The following SHROOM4 variants were observed in gnomAD, a reference collection of about 807,000 sequenced individuals.
SHROOM4 encodes the protein shroom family member 4, also known as protein Shroom4.
A neutral mutation model predicts 80.3 loss-of-function variants in SHROOM4; 17 were observed. The ratio of observed to expected loss-of-function variants is 0.21; its 90% confidence interval spans 0.14 to 0.32. SHROOM4 has a LOEUF of 0.32. Ranked by LOEUF, SHROOM4 falls within the 10% of genes least tolerant of loss-of-function variation. The pLI, the probability that SHROOM4 is intolerant of heterozygous loss-of-function variation, is 1.00. For synonymous variants in SHROOM4, 400 were observed against 437.5 expected, an observed-to-expected ratio of 0.91 and a Z score of 1.07; for missense variants, 993 against 1,140.3, an observed-to-expected ratio of 0.87 and a Z score of 1.86.
chrX:50,628,787 T>C (rs1930922298), intron 4 of SHROOM4, among the ~76,000 whole-genome samples: 1 of 112,212 alleles, frequency 8.9e-6, no homozygotes, highest in Non-Finnish European at 1.9e-5. Context: ...AAATAAGATA[T>C]GCAGAGAGAA....
At chrX:50,713,006 T>G (rs1389088900) in intron 1 of SHROOM4, among the ~76,000 whole-genome samples, 1 of 111,220 alleles carries the variant, frequency 9.0e-6, no homozygotes. Flanking sequence ...GGTTGACTGT[T>G]CTGCCAGGAA....
At chrX:50,801,292 A>AGAGAGAGAGAGAG in intron 1 of SHROOM4, among the ~76,000 whole-genome samples, 1 of 34,268 alleles carries the variant, frequency 2.9e-5, no homozygotes, top group East Asian at 1.6e-3. Context: ...GAGAGAGAGA[A>AGAGAGAGAGAGAG]CACGTACTGC....
At chrX:50,606,988 G>A (rs1290198110) in intron 6 of SHROOM4, among the ~76,000 whole-genome samples, 1 of 108,455 alleles carries the variant, frequency 9.2e-6, no homozygotes, top group Non-Finnish European at 1.9e-5. Flanking sequence ...GGCAGGAAAA[G>A]TGCCTGAGCC....
At chrX:50,665,028 A>G (rs2147377662) in intron 2 of SHROOM4, among the ~76,000 whole-genome samples, 1 of 111,100 alleles carries the variant, frequency 9.0e-6, no homozygotes, top group South Asian at 3.9e-4. Flanking sequence ...ACTTTTCAGC[A>G]TCTCCTAATG....
intron 1 of SHROOM4, among the ~76,000 whole-genome samples, chrX:50,700,213 T>C (rs182663429): frequency 8.9e-6 from 1 of 112,500 alleles, no homozygotes; most frequent in East Asian, 2.8e-4. Context: ...TGTTTTTTTG[T>C]TTTTGTTTTA....
chrX:50,734,742 A>G (rs1231823941), intron 1 of SHROOM4, among the ~76,000 whole-genome samples: 7 of 111,339 alleles, frequency 6.3e-5, no homozygotes, highest in South Asian at 3.9e-4. Context: ...TGTAGCTCCC[A>G]TAATTCCCAT....
At chrX:50,663,574 T>C (rs1932586673) in intron 2 of SHROOM4, among the ~76,000 whole-genome samples, 1 of 110,298 alleles carries the variant, frequency 9.1e-6, no homozygotes, top group East Asian at 2.9e-4. Context: ...GCTTGCTTTT[T>C]CTGGGCCTTC....
At chrX:50,764,097 C>T (rs1429563061) in intron 1 of SHROOM4, among the ~76,000 whole-genome samples, 3 of 111,985 alleles carry the variant, frequency 2.7e-5, no homozygotes, top group African/African-American at 6.5e-5. Context: ...CCCTCAACAG[C>T]GCTGCTGACC....
intron 2 of SHROOM4, among the ~76,000 whole-genome samples, chrX:50,660,868 T>A (rs1557259913): frequency 9.1e-6 from 1 of 109,720 alleles, no homozygotes; most frequent in Non-Finnish European, 1.9e-5. Context: ...CCTCCTGCTT[T>A]GGCTACCCAA....
chrX:50,769,716 C>G (rs185022250), intron 1 of SHROOM4, among the ~76,000 whole-genome samples: 32 of 111,581 alleles, frequency 2.9e-4, no homozygotes, highest in Non-Finnish European at 5.8e-4. Context: ...AGTAGGCCAA[C>G]CAGTCTACCC....
chrX:50,741,791 G>T (rs1387094879), intron 1 of SHROOM4, among the ~76,000 whole-genome samples: 2 of 110,639 alleles, frequency 1.8e-5, no homozygotes, highest in Non-Finnish European at 3.8e-5. Context: ...CTAATTTGTT[G>T]TAGGTTGTTA....
chrX:50,743,931 C>T (rs1421743976), intron 1 of SHROOM4, among the ~76,000 whole-genome samples: 1 of 111,604 alleles, frequency 9.0e-6, no homozygotes, highest in Non-Finnish European at 1.9e-5. Context: ...ATGTCCTCCC[C>T]TTGTCTCCTG....
intron 1 of SHROOM4, among the ~76,000 whole-genome samples, chrX:50,794,647 TACAC>T (rs55726150): frequency 9.3e-5 from 9 of 97,192 alleles, no homozygotes; most frequent in African/African-American, 1.9e-4. Context: ...CACACACACA[TACAC>T]ACACACACAC....
intron 1 of SHROOM4, among the ~76,000 whole-genome samples, chrX:50,795,051 G>GATATATATATATGAT (rs57853672): frequency 0.022 from 55 of 2,517 alleles, 15 homozygotes; most frequent in East Asian, 0.2. Context: ...ATATATATAT[G>GATATATATATATGAT]ATATATATAT....
intron 1 of SHROOM4, among the ~76,000 whole-genome samples, chrX:50,793,201 G>A (rs1935887792): frequency 9.1e-6 from 1 of 110,306 alleles, no homozygotes; most frequent in African/African-American, 3.3e-5. Context: ...GACAAATATT[G>A]CATAATTTTG....
rs147806495 is a variant in SHROOM4, at chrX:50,804,481, C to G, written c.117+9421G>C. Among the ~76,000 whole-genome samples, 638 of 112,255 alleles carry G rather than the reference C, an allele frequency of 5.7e-3. 4 individuals carry two copies. Among genetic ancestry groups the G allele is most frequent in the African/African-American group, 0.019 (597 of 30,926 alleles). ...TTCCCTCCCTCCGTCTGTCCCCCAA[C>G]CTCTCATTCTTATCTAGTTCTCTTC... On this transcript the variant is annotated intron_variant, in intron 1 of 8. Transcript: ENST00000376020.
intron 4 of SHROOM4, among the ~76,000 whole-genome samples, chrX:50,630,518 T>G (rs1400074627): frequency 3.6e-5 from 4 of 111,381 alleles, no homozygotes; most frequent in African/African-American, 1.3e-4. Context: ...CCAGGCAGTC[T>G]GGTTCCAGCT....
the SHROOM4 span, among the ~76,000 whole-genome samples, chrX:50,577,439 G>A: frequency 8.9e-6 from 1 of 112,318 alleles, no homozygotes; most frequent in African/African-American, 3.2e-5. Flanking sequence ...GAATACAAGT[G>A]GAGATTTTAA....
chrX:50,626,357 C>A (rs1323577625), intron 5 of SHROOM4, among the ~76,000 whole-genome samples: 2 of 112,071 alleles, frequency 1.8e-5, no homozygotes, highest in African/African-American at 6.5e-5. Context: ...TTCTTAAGCC[C>A]TGTATTTGAC....
Sources: gnomAD v4.1 joint callset for allele counts (sites outside exome capture counted in the v4.1 genomes callset) on GRCh38, gnomAD v4.1.1 for gene constraint, MANE v1.5 for transcripts, NCBI Gene and HGNC (gene_info 2026-07-23, HGNC 2026-07-21) for gene names.